Variants in NSD1 observed in about 807,000 individuals in gnomAD.
NSD1 encodes nuclear receptor binding SET domain protein 1.
Under a neutral mutation model 242.7 loss-of-function variants are expected in NSD1, and 26 were observed. That is an observed-to-expected ratio of 0.11 (90% CI 0.08 to 0.15). The LOEUF is 0.15. Ranked by LOEUF, NSD1 falls within the 10% of genes least tolerant of loss-of-function variation. The pLI, the probability that NSD1 is intolerant of heterozygous loss-of-function variation, is 1.00. For missense variants in NSD1, 2,495 were observed against 3,272.8 expected, an observed-to-expected ratio of 0.76 and a Z score of 5.80; for synonymous variants, 1,106 against 1,178.1, an observed-to-expected ratio of 0.94 and a Z score of 1.25.
intron 17 of NSD1, among the ~76,000 whole-genome samples, chr5:177,275,543 C>G (rs1344090708): frequency 7.1e-6 from 1 of 140,558 alleles, no homozygotes; most frequent in African/African-American, 2.7e-5. Flanking sequence ...AAGCCATTCT[C>G]CTGCCTCAGC....
intron 2 of NSD1, among the ~76,000 whole-genome samples, chr5:177,178,267 C>T (rs2149805615): frequency 6.6e-6 from 1 of 152,084 alleles, no homozygotes; most frequent in East Asian, 1.9e-4. Context: ...GCTGTTGTTG[C>T]CTAGGCTGGA....
intron 2 of NSD1, among the ~76,000 whole-genome samples, chr5:177,181,987 C>G (rs985752324): frequency 6.6e-6 from 1 of 151,896 alleles, no homozygotes; most frequent in African/African-American, 2.4e-5. Flanking sequence ...CCTGTCTCTA[C>G]TAAAAATACA....
chr5:177,136,148 A>G, intron 2 of NSD1, 118 bp downstream of exon 2: 2 of 855,838 alleles, frequency 2.3e-6, no homozygotes, highest in Non-Finnish European at 3.7e-6. Context: ...CTGAAATCCT[A>G]TTGCTAATCA....
rs1398836683 is a variant in NSD1, at chr5:177,134,431, AC to A, written c.-18+482del. On this transcript the variant is annotated intron_variant, in intron 1 of 22. Coordinates refer to ENST00000439151, the MANE Select transcript of NSD1 (RefSeq NM_022455.5). The surrounding 1 kb of genome is among the most constrained non-coding windows in gnomAD (Gnocchi z 4.2). ...TTTTCGAGCTGTAGCAGCTGCTGCT[AC>A]CCTGACTGGGCTTCGCTGGCCGCCT... is the stretch of plus-strand genomic sequence containing the variant. Among the ~76,000 whole-genome samples the A allele has an allele frequency of 1.3e-5, 2 of 152,076 alleles. No homozygotes were observed. The highest frequency in any genetic ancestry group is 2.9e-5 in the Non-Finnish European group (2 of 67,986).
intron 21 of NSD1, 21 bp downstream of exon 21, chr5:177,288,946 T>G: frequency 6.4e-7 from 1 of 1,554,738 alleles, no homozygotes; most frequent in Non-Finnish European, 8.9e-7. Context: ...TCTAGACTTC[T>G]GCTTTGGGAT....
intron 4 of NSD1, among the ~76,000 whole-genome samples, chr5:177,205,024 G>T (rs1449387247): frequency 6.6e-6 from 1 of 151,836 alleles, no homozygotes; most frequent in Non-Finnish European, 1.5e-5. Context: ...GAATAATGTG[G>T]TTTTTTTGTT....
At chr5:177,205,313 G>A (rs1458891927) in intron 4 of NSD1, among the ~76,000 whole-genome samples, 1 of 151,704 alleles carries the variant, frequency 6.6e-6, no homozygotes, top group Non-Finnish European at 1.5e-5. Context: ...TGGGATTACA[G>A]GCGTGAGCCA....
At chr5:177,267,806 T>C (rs772797284) in intron 15 of NSD1, 88 bp downstream of exon 15, 58 of 1,313,720 alleles carry the variant, frequency 4.4e-5, no homozygotes, top group Non-Finnish European at 6.0e-5. Flanking sequence ...TTTCTAATGA[T>C]CTACTTAATT....
chr5:177,265,409 TAA>T (rs1757339205), intron 14 of NSD1: 1 of 602,780 alleles, frequency 1.7e-6, no homozygotes, highest in Non-Finnish European at 2.9e-6. Flanking sequence ...TCTAAAAACA[TAA>T]GTTATGAAAA....
At chr5:177,225,473 C>T (rs749437410) in intron 5 of NSD1, among the ~76,000 whole-genome samples, 1 of 152,086 alleles carries the variant, frequency 6.6e-6, no homozygotes, top group African/African-American at 2.4e-5. Flanking sequence ...TCAGAGTATA[C>T]TGGCCTCATA....
rs1277958991 is a variant in NSD1, at chr5:177,300,192, G to A, written c.*4733G>A. On this transcript the variant is annotated 3_prime_UTR_variant, in exon 23 of 23. Transcript: ENST00000439151. The stretch of plus-strand genomic sequence containing the variant: ...ATATAGAAAAAAAATTTACTGTAAA[G>A]TAAAGTTTAACTTTACTCATATATG... The A allele has an allele frequency of 9.0e-6, 2 of 222,522 alleles. No individual in the cohort carries two copies. The highest frequency in any genetic ancestry group is 2.2e-5 in the African/African-American group (1 of 44,636). The allele number at this position is 222,522 out of a possible 1,614,324, so 13.8% of individuals were successfully genotyped here.
chr5:177,227,736 G>C (rs375421434), intron 5 of NSD1, among the ~76,000 whole-genome samples: 1 of 151,988 alleles, frequency 6.6e-6, no homozygotes, highest in East Asian at 1.9e-4. Context: ...CCATACACCC[G>C]GCCTAAATAT....
chr5:177,265,642 G>A (rs780673278), intron 14 of NSD1: 14 of 1,600,668 alleles, frequency 8.7e-6, no homozygotes, highest in Non-Finnish European at 1.2e-5. Flanking sequence ...TGATGGTGAA[G>A]TCCCGGTCCC....
At position 177,219,892 on chromosome 5, in the gene NSD1, G is replaced by A. The variant is rs115337542; in HGVS notation, c.3796+7697G>A. Reference sequence around the variant, plus strand: ...CACGAGAACTGCTTGAACCCAGGAGGTAGATGTTGCAGCGAGCTGAGATCA... The same window carrying A: ...CACGAGAACTGCTTGAACCCAGGAGATAGATGTTGCAGCGAGCTGAGATCA... On this transcript the variant is annotated intron_variant, in intron 5 of 22. Coordinates refer to ENST00000439151, the MANE Select transcript of NSD1 (RefSeq NM_022455.5). 5.4e-3 allele frequency among the ~76,000 whole-genome samples: 821 copies of A among 152,136 alleles called. 6 individuals are homozygous for A. Among genetic ancestry groups the A allele is most frequent in the African/African-American group, 0.019 (776 of 41,520 alleles).
intron 14 of NSD1, chr5:177,266,162 C>T: frequency 9.3e-7 from 1 of 1,076,394 alleles, no homozygotes; most frequent in South Asian, 1.2e-5. Context: ...GCATAGAGCA[C>T]AGTGTTGAGC....
intron 2 of NSD1, among the ~76,000 whole-genome samples, chr5:177,156,174 A>ATTTTTTTTT (rs34417228): frequency 1.8e-4 from 14 of 78,016 alleles, no homozygotes; most frequent in East Asian, 4.4e-4. Flanking sequence ...CTCTTTTCAG[A>ATTTTTTTTT]TTTTTTTTTT....
At chr5:177,239,052 T>G (rs1765657575) in intron 7 of NSD1, among the ~76,000 whole-genome samples, 1 of 152,236 alleles carries the variant, frequency 6.6e-6, no homozygotes, top group Admixed American at 6.5e-5. Flanking sequence ...CTAAACATAT[T>G]GTCTCTAATT....
chr5:177,143,030 G>A (rs1279412393), intron 2 of NSD1, among the ~76,000 whole-genome samples: 1 of 152,102 alleles, frequency 6.6e-6, no homozygotes, highest in African/African-American at 2.4e-5. Flanking sequence ...ACAGTGTATA[G>A]CATGGTGCCT....
intron 5 of NSD1, among the ~76,000 whole-genome samples, chr5:177,228,497 G>GC (rs1164284109): frequency 1.3e-5 from 2 of 151,936 alleles, no homozygotes; most frequent in Non-Finnish European, 2.9e-5. Context: ...GATTACAGGC[G>GC]CGAGTCACCA....
Sources: gnomAD v4.1 joint callset for allele counts (sites outside exome capture counted in the v4.1 genomes callset) on GRCh38, gnomAD v4.1.1 for gene constraint, Gnocchi (gnomAD v3.1) non-coding constraint, MANE v1.5 for transcripts, NCBI Gene and HGNC (gene_info 2026-07-23, HGNC 2026-07-21) for gene names.